ETHE1: variants seen among roughly 807,000 people sequenced by gnomAD.
ETHE1 encodes the protein ETHE1 persulfide dioxygenase.
ETHE1 carries 16 observed loss-of-function variants against 25.7 expected under a neutral mutation model. The observed-to-expected ratio is 0.62, with a 90% CI of 0.42 to 0.95. ETHE1 has a LOEUF of 0.95. ETHE1 is among the 40% of genes least tolerant of loss of function. The probability of loss-of-function intolerance (pLI) is 0.00; values close to 1 mark genes in which losing one functional copy is unlikely to be tolerated. For missense variants in ETHE1, 300 were observed against 333.6 expected (o/e 0.90, Z 0.79); for synonymous variants, 139 against 135.9 (o/e 1.02, Z -0.16).
intron 3 of ETHE1, among the ~76,000 whole-genome samples, chr19:43,515,214 C>T (rs1486091962): frequency 3.3e-5 from 5 of 151,914 alleles, no homozygotes; most frequent in Non-Finnish European, 5.9e-5. Context: ...GTCAGGAGTT[C>T]GAGACCACCC....
chr19:43,520,045 CA>C (rs35862147), intron 3 of ETHE1, among the ~76,000 whole-genome samples: 2,948 of 118,690 alleles, frequency 0.025, 62 homozygotes, highest in African/African-American at 0.074. Flanking sequence ...GACCCCCACC[CA>C]AAAAAAAAAA....
intron 3 of ETHE1, among the ~76,000 whole-genome samples, chr19:43,518,242 C>A (rs1268809244): frequency 6.6e-6 from 1 of 151,870 alleles, no homozygotes; most frequent in African/African-American, 2.4e-5. Flanking sequence ...GTAGGCTGGG[C>A]ACCGTGGCTC....
chr19:43,509,523 C>T (rs943561468), intron 4 of ETHE1, among the ~76,000 whole-genome samples: 13 of 144,524 alleles, frequency 9.0e-5, no homozygotes, highest in East Asian at 8.2e-4. Flanking sequence ...AGGCTGGGCG[C>T]GGTGGCTCAC....
intron 3 of ETHE1, among the ~76,000 whole-genome samples, chr19:43,522,726 C>G (rs1972161046): frequency 6.6e-6 from 1 of 152,128 alleles, no homozygotes; most frequent in Non-Finnish European, 1.5e-5. Context: ...GGTGATCTAC[C>G]CACCTCAGCT....
intron 3 of ETHE1, among the ~76,000 whole-genome samples, chr19:43,518,021 A>G (rs938039704): frequency 6.6e-6 from 1 of 151,842 alleles, no homozygotes; most frequent in African/African-American, 2.4e-5. Flanking sequence ...CTCAAAAAAA[A>G]AAGTCAATAT....
At chr19:43,507,393 CTCCTCCT>C (rs1568490728) in intron 6 of ETHE1, among the ~76,000 whole-genome samples, 4 of 45,602 alleles carry the variant, frequency 8.8e-5, no homozygotes, top group African/African-American at 9.7e-5. Context: ...AGGCCCCCAG[CTCCTCCT>C]CCCCCAGTCC....
In ETHE1 at chr19:43,527,167, G is replaced by C. The variant is rs549901509; in HGVS notation, c.11C>G (p.Ala4Gly). Reference protein sequence around the residue: MAEAVLRVARRQLS... With the variant: MAEGVLRVARRQLS... ...CTGCCGCCGGGCGACCCTCAGTACA[G>C]CCTCCGCCATCGCGCCCACTGCGGG... The change falls in exon 1 of 7, where the codon GCT becomes GGT. Residue 4 changes from alanine to glycine, a missense_variant. Physicochemically the swap from Ala to Gly is moderately conservative, Grantham distance 60 (BLOSUM62 0). Transcript: ENST00000292147. 5 of 1,540,834 alleles carry C rather than the reference G, an allele frequency of 3.2e-6. No individual in the cohort carries two copies. Among genetic ancestry groups the C allele is most frequent in the East Asian group, 2.4e-5 (1 of 41,006 alleles).
At position 43,526,161 on chromosome 19, in the gene ETHE1, C is replaced by T. The variant is rs760651159; in HGVS notation, c.375+40G>A. The T allele has an allele frequency of 8.7e-6, 14 of 1,613,820 alleles. No homozygotes were observed. The South Asian group carries it at 1.1e-4, about 13-fold the overall frequency. On this transcript the variant is annotated intron_variant, in intron 3 of 6. Transcript: ENST00000292147. Reference sequence around the variant, plus strand: ...CCCTCTTCCCTTAAGTTTAAGAAGTCCAGGCCACCACCCTCTTGGGGACCC... The same window carrying T: ...CCCTCTTCCCTTAAGTTTAAGAAGTTCAGGCCACCACCCTCTTGGGGACCC...
intron 3 of ETHE1, among the ~76,000 whole-genome samples, chr19:43,523,518 C>A (rs887345060): frequency 3.3e-5 from 5 of 150,692 alleles, no homozygotes; most frequent in African/African-American, 9.7e-5. Context: ...CTCAAGTGAT[C>A]CGCCCACCTC....
chr19:43,512,585 G>A (rs188518072), intron 3 of ETHE1, among the ~76,000 whole-genome samples: 100 of 152,148 alleles, frequency 6.6e-4, no homozygotes, highest in Non-Finnish European at 1.2e-3. Flanking sequence ...GAGGTGACTT[G>A]AGTGCTGTTA....
chr19:43,513,488 A>G (rs1971960013), intron 3 of ETHE1, among the ~76,000 whole-genome samples: 1 of 152,212 alleles, frequency 6.6e-6, no homozygotes, highest in South Asian at 2.1e-4. Context: ...GATTTGAGAC[A>G]TGGAGTAAAA....
At chr19:43,526,698 C>T (rs770969229) in intron 1 of ETHE1, 39 bp from the exon 2 acceptor site, 5 of 1,612,014 alleles carry the variant, frequency 3.1e-6, no homozygotes, top group Non-Finnish European at 4.2e-6. Flanking sequence ...CAGAACCGGA[C>T]TTCCACCCAC....
chr19:43,510,679 A>G, intron 4 of ETHE1, among the ~76,000 whole-genome samples: 1 of 146,832 alleles, frequency 6.8e-6, no homozygotes. Context: ...TTAGAGAGGG[A>G]GTCTCACTAT....
At chr19:43,518,956 T>A (rs1972080894) in intron 3 of ETHE1, among the ~76,000 whole-genome samples, 1 of 148,624 alleles carries the variant, frequency 6.7e-6, no homozygotes, top group African/African-American at 2.5e-5. Flanking sequence ...TTTCATGACC[T>A]ATAGTGACAT....
intron 3 of ETHE1, among the ~76,000 whole-genome samples, chr19:43,523,073 C>A (rs537021146): frequency 2.0e-5 from 3 of 152,246 alleles, no homozygotes; most frequent in Admixed American, 2.0e-4. Flanking sequence ...TTTATAATGT[C>A]AGAACAGGCA....
rs553240889 is a variant in ETHE1, at chr19:43,523,841, C to G, written c.375+2360G>C. Among the ~76,000 whole-genome samples, 23 of 151,518 alleles carry G rather than the reference C, an allele frequency of 1.5e-4. No individual in the cohort carries two copies. In the South Asian group the frequency reaches 4.2e-3, roughly 28 times the overall value. ...ATCCCAGCTATTTGGGAGGCTGAGA[C>G]AGCAGAATCGCTTGCGCTCAGGAGG... On this transcript the variant is annotated intron_variant, in intron 3 of 6. Coordinates refer to ENST00000292147, the MANE Select transcript of ETHE1 (RefSeq NM_014297.5).
intron 3 of ETHE1, among the ~76,000 whole-genome samples, chr19:43,524,443 TA>T (rs2146014679): frequency 7.2e-6 from 1 of 139,152 alleles, no homozygotes; most frequent in African/African-American, 2.7e-5. Flanking sequence ...AAGGGAAGGA[TA>T]GGGGTGATGG....
chr19:43,521,239 G>A (rs1318069935), intron 3 of ETHE1, among the ~76,000 whole-genome samples: 1 of 152,138 alleles, frequency 6.6e-6, no homozygotes, highest in Non-Finnish European at 1.5e-5. Flanking sequence ...GGCTGAGGCA[G>A]AAGGATCACC....
In ETHE1 at chr19:43,508,346, C is replaced by CTT. The variant is rs397933393; in HGVS notation, c.596-288_596-287dup. ...CACAGCAGGCTCAAGCACTTTATCT[C>CTT]TTTTTTTTTTTTTTTTTTTGAGACA... On this transcript the variant is annotated intron_variant, in intron 5 of 6. Coordinates refer to ENST00000292147, the MANE Select transcript of ETHE1 (RefSeq NM_014297.5). Among the ~76,000 whole-genome samples the CTT allele has an allele frequency of 0.22, 27,571 of 124,446 alleles. 3,391 individuals carry two copies. Among genetic ancestry groups the CTT allele is most frequent in the Non-Finnish European group, 0.24 (14,990 of 61,458 alleles). 81.6% of individuals were successfully genotyped at this position (124,446 alleles called of 152,430 possible).
Sources: gnomAD v4.1 joint callset for allele counts (sites outside exome capture counted in the v4.1 genomes callset) on GRCh38, gnomAD v4.1.1 for gene constraint, MANE v1.5 for transcripts, NCBI Gene and HGNC (gene_info 2026-07-23, HGNC 2026-07-21) for gene names.